Variants in PDE1C observed in about 807,000 individuals in gnomAD.
The protein encoded by PDE1C is dual specificity calcium/calmodulin-dependent 3',5'-cyclic nucleotide phosphodiesterase 1C.
Under a neutral mutation model 93.1 loss-of-function variants are expected in PDE1C, and 62 were observed. The ratio of observed to expected loss-of-function variants is 0.67; its 90% CI spans 0.54 to 0.82. PDE1C has a LOEUF of 0.82. PDE1C is among the 40% of genes least tolerant of loss of function. The pLI is 0.00. For synonymous variants in PDE1C, 325 were observed against 310.1 expected (o/e 1.05, Z -0.50); for missense variants, 742 against 884.6 (o/e 0.84, Z 2.04).
the PDE1C span, among the ~76,000 whole-genome samples, chr7:31,630,069 T>C: frequency 2.6e-5 from 4 of 152,138 alleles, no homozygotes; most frequent in Non-Finnish European, 5.9e-5. Context: ...AATGAAATTG[T>C]CAACAAATAC....
intron 3 of PDE1C, among the ~76,000 whole-genome samples, chr7:32,125,795 A>G (rs913534274): frequency 6.6e-6 from 1 of 152,140 alleles, no homozygotes; most frequent in African/African-American, 2.4e-5. Context: ...ACGTATATCT[A>G]TGTAACAAAC....
intron 1 of PDE1C, among the ~76,000 whole-genome samples, chr7:32,322,774 C>T (rs916503065): frequency 6.6e-6 from 1 of 152,118 alleles, no homozygotes; most frequent in African/African-American, 2.4e-5. Flanking sequence ...TGCCACCACA[C>T]CTGGCTAATT....
chr7:31,653,029 T>A, the PDE1C span: 1 of 1,352,112 alleles, frequency 7.4e-7, no homozygotes, highest in Non-Finnish European at 9.7e-7. Context: ...GAGCACCTAG[T>A]ATGTGCCTGG....
chr7:31,839,410 A>T (rs1328736028), intron 9 of PDE1C, among the ~76,000 whole-genome samples: 1 of 140,476 alleles, frequency 7.1e-6, no homozygotes, highest in African/African-American at 2.8e-5. Context: ...TTCCATGTAT[A>T]TACATAGACA....
At chr7:32,011,196 A>AT (rs34261812) in intron 2 of PDE1C, among the ~76,000 whole-genome samples, 2,778 of 146,576 alleles carry the variant, frequency 0.019, 32 homozygotes, top group African/African-American at 0.035. Flanking sequence ...TAAATTAACA[A>AT]TTTTTTTTTT....
the PDE1C span, among the ~76,000 whole-genome samples, chr7:31,740,835 G>A: frequency 6.6e-6 from 1 of 152,150 alleles, no homozygotes; most frequent in African/African-American, 2.4e-5. Flanking sequence ...TTGGGAGGCT[G>A]AGGAAGAAGG....
intron 2 of PDE1C, among the ~76,000 whole-genome samples, chr7:32,049,901 T>C (rs952260447): frequency 2.0e-5 from 3 of 152,184 alleles, no homozygotes; most frequent in Non-Finnish European, 4.4e-5. Flanking sequence ...AATGTGTCCT[T>C]AGGCAATATT....
At chr7:32,099,572 T>A (rs189218344) in intron 3 of PDE1C, among the ~76,000 whole-genome samples, 2 of 152,332 alleles carry the variant, frequency 1.3e-5, no homozygotes, top group Admixed American at 1.3e-4. Flanking sequence ...AATGAGGACA[T>A]TAACTAATTA....
intron 13 of PDE1C, 146 bp from the exon 14 acceptor site, chr7:31,823,394 T>C (rs1341599264): frequency 5.0e-6 from 3 of 602,286 alleles, no homozygotes; most frequent in Non-Finnish European, 8.1e-6. Context: ...TTATTCTATT[T>C]TCCACATATG....
At chr7:32,081,954 T>C (rs1195097320) in intron 3 of PDE1C, among the ~76,000 whole-genome samples, 2 of 152,216 alleles carry the variant, frequency 1.3e-5, no homozygotes, top group Non-Finnish European at 2.9e-5. Context: ...GGGTGATTTC[T>C]GCATTTCCAT....
chr7:32,333,508 T>G (rs1485300229), intron 1 of PDE1C, among the ~76,000 whole-genome samples: 1 of 152,226 alleles, frequency 6.6e-6, no homozygotes, highest in Non-Finnish European at 1.5e-5. Flanking sequence ...TACGTGTACA[T>G]GCTCTTTGTC....
chr7:32,413,702 T>C (rs1329057971), intron 1 of PDE1C, among the ~76,000 whole-genome samples: 2 of 152,186 alleles, frequency 1.3e-5, no homozygotes, highest in African/African-American at 4.8e-5. Context: ...CACTGAACTG[T>C]ACACTTAAAA....
At chr7:31,748,943 C>G (rs1794061763), downstream of PDE1C, among the ~76,000 whole-genome samples, 1 of 152,188 alleles carries the variant, frequency 6.6e-6, no homozygotes, top group African/African-American at 2.4e-5. Context: ...GGAAAACAAA[C>G]TGAAAGCTTG....
At chr7:32,419,894 T>C (rs1334544844) in intron 1 of PDE1C, among the ~76,000 whole-genome samples, 2 of 151,048 alleles carry the variant, frequency 1.3e-5, no homozygotes, top group Admixed American at 6.6e-5. Flanking sequence ...GAGCAAGTCC[T>C]GGCACTACTC....
At chr7:31,650,144 G>C in the PDE1C span, among the ~76,000 whole-genome samples, 12 of 152,290 alleles carry the variant, frequency 7.9e-5, no homozygotes, top group African/African-American at 2.6e-4. Context: ...GTGGCTCTCA[G>C]GTCCTTGAGA....
chr7:31,724,354 C>T, the PDE1C span, among the ~76,000 whole-genome samples: 2 of 152,184 alleles, frequency 1.3e-5, no homozygotes, highest in Non-Finnish European at 2.9e-5. Context: ...TGTCCCCTCA[C>T]CTCTTGATGA....
intron 7 of PDE1C, among the ~76,000 whole-genome samples, chr7:31,856,791 T>C (rs1469556265): frequency 6.6e-6 from 1 of 151,468 alleles, no homozygotes; most frequent in Non-Finnish European, 1.5e-5. Flanking sequence ...CGTACTGTAC[T>C]CAGTTGCTCG....
the PDE1C span, among the ~76,000 whole-genome samples, chr7:31,628,451 TTTTTTTTTTC>T: frequency 1.1e-4 from 16 of 151,220 alleles, no homozygotes; most frequent in East Asian, 9.7e-4. Flanking sequence ...GTGATTCCTT[TTTTTTTTTTC>T]TTTTTTTTTC....
In PDE1C at chr7:32,139,083, C is replaced by A. The variant is rs184692470; in HGVS notation, c.308+30702G>T. On this transcript the variant is annotated intron_variant, in intron 3 of 18. Transcript: ENST00000396193. ...TAAATAATTAACCAGAGTTGATATG[C>A]CAGAAACTATTCAGATACCTCTATC... 2.0e-3 allele frequency among the ~76,000 whole-genome samples: 302 copies of A among 152,114 alleles called. 2 individuals carry two copies. The highest frequency in any genetic ancestry group is 6.8e-3 in the African/African-American group (282 of 41,502).
Sources: allele counts gnomAD v4.1 joint callset (sites outside exome capture counted in the v4.1 genomes callset), GRCh38; gene constraint gnomAD v4.1.1; transcripts MANE v1.5; gene names NCBI Gene and HGNC (gene_info 2026-07-23, HGNC 2026-07-21).